The following PCDH9 variants were observed in gnomAD, a reference collection of about 807,000 sequenced individuals.
PCDH9 encodes the protein protocadherin 9.
In PCDH9, 24 loss-of-function variants were observed where a neutral mutation model predicts 70.6. The ratio of observed to expected loss-of-function variants is 0.34; its 90% CI spans 0.25 to 0.48. The LOEUF (loss-of-function observed/expected upper bound fraction) is 0.48. Among genes scored for constraint, PCDH9 ranks in the 20% least tolerant of loss-of-function variants. The probability of loss-of-function intolerance (pLI) is 0.99; values close to 1 mark genes in which losing one functional copy is unlikely to be tolerated. For missense variants in PCDH9, 1,281 were observed against 1,503.6 expected, an observed-to-expected ratio of 0.85 and a Z score of 2.45; for synonymous variants, 562 against 558.5, an observed-to-expected ratio of 1.01 and a Z score of -0.09.
intron 3 of PCDH9, among the ~76,000 whole-genome samples, chr13:66,646,868 G>A (rs1194955005): frequency 6.6e-6 from 1 of 152,148 alleles, no homozygotes; most frequent in Non-Finnish European, 1.5e-5. Flanking sequence ...TGGCTTTGTG[G>A]TGTGGAGACA....
At position 66,305,007 on chromosome 13, in the gene PCDH9, C is replaced by A. The variant is rs766854336; in HGVS notation, c.3362G>T (p.Gly1121Val). Reference protein sequence around the residue: ...PNSDGPLGPRGLAEATEMCTQ... With the variant: ...PNSDGPLGPRVLAEATEMCTQ... Reference sequence around the variant, plus strand: ...GCACATCTCTGTAGCTTCAGCTAATCCTCGGGGACCCAAAGGCCCATCTGC... The same window carrying A: ...GCACATCTCTGTAGCTTCAGCTAATACTCGGGGACCCAAAGGCCCATCTGC... Residue 1121 changes from glycine (G) to valine (V), a missense_variant, in exon 5 of 5, where the codon GGA becomes GTA. Coordinates refer to ENST00000377865, the MANE Select transcript of PCDH9 (RefSeq NM_203487.3). The A allele has an allele frequency of 1.9e-6, 3 of 1,610,874 alleles. No homozygotes were observed. Among genetic ancestry groups the A allele is most frequent in the Non-Finnish European group, 2.5e-6 (3 of 1,177,986 alleles).
chr13:66,980,078 C>CTCTATCTATCTATCTATCTA (rs34374674), intron 2 of PCDH9, among the ~76,000 whole-genome samples: 1 of 147,018 alleles, frequency 6.8e-6, no homozygotes, highest in African/African-American at 2.5e-5. Flanking sequence ...AATTATCCAT[C>CTCTATCTATCTATCTATCTA]TCTATCTATC....
intron 3 of PCDH9, among the ~76,000 whole-genome samples, chr13:66,682,178 T>C (rs1439923619): frequency 1.1e-4 from 17 of 151,932 alleles, no homozygotes; most frequent in Non-Finnish European, 2.2e-4. Flanking sequence ...TTTTCCCCAA[T>C]CATCCCTGCT....
At chr13:66,976,252 T>C (rs1193824392) in intron 2 of PCDH9, among the ~76,000 whole-genome samples, 1 of 152,112 alleles carries the variant, frequency 6.6e-6, no homozygotes, top group Non-Finnish European at 1.5e-5. Context: ...TAGTTTTAAA[T>C]ATTGGAGGAA....
intron 2 of PCDH9, among the ~76,000 whole-genome samples, chr13:67,140,033 C>T (rs769934306): frequency 8.2e-6 from 1 of 121,814 alleles, no homozygotes; most frequent in Non-Finnish European, 1.7e-5. Flanking sequence ...TCACCCCCCC[C>T]CCCCCGCCCA....
chr13:66,906,649 G>A lies in PCDH9; in HGVS notation c.3037-3044C>T, dbSNP rs540433765. On this transcript the variant is annotated intron_variant, in intron 2 of 4. Coordinates refer to ENST00000377865, the MANE Select transcript of PCDH9 (RefSeq NM_203487.3). ...TTTTGGAACAGTGAATGGCATGAAAGGAAAATTTCTAACTTACTGTTCTTT... is the reference window on the plus strand; with the variant it reads ...TTTTGGAACAGTGAATGGCATGAAAAGAAAATTTCTAACTTACTGTTCTTT... 1.5e-3 allele frequency among the ~76,000 whole-genome samples: 235 copies of A among 152,198 alleles called. 1 individual carries two copies. Among genetic ancestry groups the A allele is most frequent in the South Asian group, 4.8e-3 (23 of 4,824 alleles).
intron 3 of PCDH9, among the ~76,000 whole-genome samples, chr13:66,809,703 G>T (rs1315124787): frequency 6.6e-6 from 1 of 152,060 alleles, no homozygotes; most frequent in East Asian, 1.9e-4. Context: ...TTAATGTCTT[G>T]CTCTGTTTAC....
intron 3 of PCDH9, among the ~76,000 whole-genome samples, chr13:66,656,108 G>A (rs1235783577): frequency 2.7e-5 from 4 of 146,506 alleles, no homozygotes; most frequent in African/African-American, 1.0e-4. Context: ...CAAAACAAAT[G>A]AAATATTTTA....
intron 3 of PCDH9, among the ~76,000 whole-genome samples, chr13:66,857,685 G>A (rs2081417205): frequency 1.3e-5 from 2 of 151,746 alleles, no homozygotes; most frequent in African/African-American, 2.4e-5. Flanking sequence ...TTTTTTCTAT[G>A]TATAATCATC....
intron 4 of PCDH9, among the ~76,000 whole-genome samples, chr13:66,498,514 A>G (rs977183211): frequency 4.6e-5 from 7 of 152,076 alleles, no homozygotes; most frequent in African/African-American, 7.2e-5. Context: ...TGCATTGGCT[A>G]CTCACCTACT....
chr13:66,788,747 A>T (rs2080118690), intron 3 of PCDH9, among the ~76,000 whole-genome samples: 1 of 151,672 alleles, frequency 6.6e-6, no homozygotes, highest in Admixed American at 6.6e-5. Context: ...AAATCCAAAC[A>T]AACTTAACTT....
chr13:67,059,319 A>G (rs948921570), intron 2 of PCDH9, among the ~76,000 whole-genome samples: 11 of 144,658 alleles, frequency 7.6e-5, no homozygotes, highest in Admixed American at 2.8e-4. Context: ...AGACAGGAGT[A>G]AAAAAAAAAA....
At chr13:66,828,810 A>AAAAAAAAAAAATAAT (rs71207607) in intron 3 of PCDH9, among the ~76,000 whole-genome samples, 8 of 148,606 alleles carry the variant, frequency 5.4e-5, no homozygotes, top group African/African-American at 2.0e-4. Context: ...GCCATACATA[A>AAAAAAAAAAAATAAT]AATAATAATA....
intron 3 of PCDH9, among the ~76,000 whole-genome samples, chr13:66,816,999 T>TA (rs11456031): frequency 0.18 from 25,925 of 141,706 alleles, 2,472 homozygotes; most frequent in South Asian, 0.26. Flanking sequence ...TGAAAATATT[T>TA]AAAAAAAAAA....
At chr13:66,536,322 T>G (rs557898865) in intron 4 of PCDH9, among the ~76,000 whole-genome samples, 106 of 152,196 alleles carry the variant, frequency 7.0e-4, no homozygotes, top group African/African-American at 2.5e-3. Context: ...CATGCAGGTG[T>G]GAATGTAATA....
chr13:66,890,159 GA>G (rs1478472455), intron 3 of PCDH9, among the ~76,000 whole-genome samples: 1 of 152,030 alleles, frequency 6.6e-6, no homozygotes, highest in Non-Finnish European at 1.5e-5. Context: ...ACATGGAAAA[GA>G]AAAAATTCAT....
chr13:66,812,484 T>C (rs978398511), intron 3 of PCDH9, among the ~76,000 whole-genome samples: 1 of 152,218 alleles, frequency 6.6e-6, no homozygotes, highest in Non-Finnish European at 1.5e-5. Context: ...TGTACTCTGA[T>C]GATACTAAGG....
intron 3 of PCDH9, among the ~76,000 whole-genome samples, chr13:66,642,580 T>C (rs1187109361): frequency 1.3e-5 from 2 of 152,070 alleles, no homozygotes; most frequent in Non-Finnish European, 2.9e-5. Flanking sequence ...TTTTGAATTG[T>C]TTTGAAACCT....
chr13:67,042,026 T>C (rs2085126747), intron 2 of PCDH9, among the ~76,000 whole-genome samples: 1 of 152,076 alleles, frequency 6.6e-6, no homozygotes, highest in African/African-American at 2.4e-5. Context: ...TCCTTGTTGT[T>C]GCCCTTACCA....
Sources: allele counts gnomAD v4.1 joint callset (sites outside exome capture counted in the v4.1 genomes callset), GRCh38; gene constraint gnomAD v4.1.1; transcripts MANE v1.5; gene names NCBI Gene and HGNC (gene_info 2026-07-23, HGNC 2026-07-21).